The following BIRC6 variants were observed in gnomAD, a reference collection of about 807,000 sequenced individuals.
BIRC6 encodes the protein dual E2 ubiquitin-conjugating enzyme/E3 ubiquitin-protein ligase BIRC6.
Under a neutral mutation model 503.3 loss-of-function variants are expected in BIRC6, and 98 were observed. The ratio of observed to expected loss-of-function variants is 0.19; its 90% confidence interval spans 0.17 to 0.23. The LOEUF (loss-of-function observed/expected upper bound fraction) is 0.23. Ranked by LOEUF, BIRC6 falls within the 10% of genes least tolerant of loss-of-function variation. BIRC6 has a pLI of 1.00. For missense variants in BIRC6, 5,360 were observed against 5,806.0 expected (o/e 0.92, Z 2.50); for synonymous variants, 2,240 against 2,078.7 (o/e 1.08, Z -2.11).
At chr2:32,372,193 A>G (rs1055966560) in intron 1 of BIRC6, among the ~76,000 whole-genome samples, 4 of 152,166 alleles carry the variant, frequency 2.6e-5, no homozygotes, top group African/African-American at 9.7e-5. Context: ...TACTTGTCAT[A>G]CAGGTACACA....
chr2:32,455,487 G>C (rs2047160691), intron 23 of BIRC6, among the ~76,000 whole-genome samples: 1 of 152,008 alleles, frequency 6.6e-6, no homozygotes, highest in Non-Finnish European at 1.5e-5. Flanking sequence ...GCTGGGTGTG[G>C]TGGCAGGCAC....
intron 55 of BIRC6, among the ~76,000 whole-genome samples, chr2:32,516,426 G>C (rs912525071): frequency 6.6e-6 from 1 of 151,390 alleles, no homozygotes; most frequent in African/African-American, 2.4e-5. Context: ...TGAGGCAGGG[G>C]AATTGCTTGA....
Position 32,388,836 on chromosome 2 carries a change from A to C in BIRC6, c.732A>C (p.Gln244His). The change falls in exon 4 of 74, where the codon CAA (glutamine) becomes CAC (histidine). Residue 244 changes from glutamine to histidine, a missense_variant. Gln to His is a conservative substitution (Grantham distance 24, BLOSUM62 0). Around this residue, in one of 16 missense-constraint regions of BIRC6, gnomAD observed 134 missense variants for 150.9 expected, o/e 0.89. Coordinates refer to ENST00000421745, the MANE Select transcript of BIRC6 (RefSeq NM_016252.4). Reference sequence around the variant, plus strand: ...TAAATGAACTCAAGAAAATAAATCAAAATGTTGCTGCCTTACCTGTGGCGT... The same window carrying C: ...TAAATGAACTCAAGAAAATAAATCACAATGTTGCTGCCTTACCTGTGGCGT... ...AIVNELKKIN[Q>H]NVAALPVASS... 2 of 1,613,494 alleles carry C rather than the reference A, an allele frequency of 1.2e-6. No homozygotes were observed. Among genetic ancestry groups the C allele is most frequent in the Non-Finnish European group, 1.7e-6 (2 of 1,179,630 alleles).
intron 65 of BIRC6, among the ~76,000 whole-genome samples, chr2:32,571,000 G>T (rs1250269334): frequency 6.6e-6 from 1 of 151,670 alleles, no homozygotes; most frequent in Non-Finnish European, 1.5e-5. Context: ...GTGGAGACAG[G>T]TTTTCTTGCT....
chr2:32,384,916 CTG>C (rs2038223705), intron 3 of BIRC6, among the ~76,000 whole-genome samples: 1 of 152,200 alleles, frequency 6.6e-6, no homozygotes, highest in South Asian at 2.1e-4. Context: ...TTTTTACCCT[CTG>C]AGAGTTCTAT....
At chr2:32,567,918 A>G (rs2059639736) in intron 65 of BIRC6, among the ~76,000 whole-genome samples, 1 of 152,156 alleles carries the variant, frequency 6.6e-6, no homozygotes, top group African/African-American at 2.4e-5. Context: ...TGGCTAACAC[A>G]GTGAAAACCC....
intron 61 of BIRC6, among the ~76,000 whole-genome samples, chr2:32,532,567 G>A (rs543127936): frequency 6.6e-6 from 1 of 152,230 alleles, no homozygotes; most frequent in South Asian, 2.1e-4. Flanking sequence ...CATCTGCAAA[G>A]GCCCCATTTC....
chr2:32,404,243 A>T (rs147845135), intron 8 of BIRC6, among the ~76,000 whole-genome samples: 1 of 151,602 alleles, frequency 6.6e-6, no homozygotes, highest in African/African-American at 2.4e-5. Context: ...GTGATTTTTT[A>T]AAAAGTTTTA....
At position 32,468,680 on chromosome 2, in the gene BIRC6, A is replaced by T. The variant is rs772416189; in HGVS notation, c.6024A>T (p.Thr2008=). 1.2e-6 allele frequency: 2 copies of T among 1,614,024 alleles called. No homozygotes were observed. The highest frequency in any genetic ancestry group is 1.1e-5 in the South Asian group (1 of 91,084). Residue 2008 remains threonine, a synonymous_variant, in exon 29 of 74, where the codon ACA becomes ACT. Coordinates refer to ENST00000421745, the MANE Select transcript of BIRC6 (RefSeq NM_016252.4). ...LGASRKMLSE[T]SNPEDLIQTS... ...CAAGCCGGAAGATGTTGAGTGAAACATCAAATCCAGAAGATTTAATTCAGA... is the reference window on the plus strand; with the variant it reads ...CAAGCCGGAAGATGTTGAGTGAAACTTCAAATCCAGAAGATTTAATTCAGA...
intron 33 of BIRC6, among the ~76,000 whole-genome samples, chr2:32,475,775 C>G (rs1051213756): frequency 6.6e-6 from 1 of 152,084 alleles, no homozygotes; most frequent in Admixed American, 6.5e-5. Flanking sequence ...TAGCAAAAAA[C>G]TACAATGATC....
chr2:32,463,408 A>C (rs752635995), intron 24 of BIRC6, 27 bp downstream of exon 24: 1 of 1,560,144 alleles, frequency 6.4e-7, no homozygotes, highest in Non-Finnish European at 8.7e-7. Context: ...CTCTTTGTTC[A>C]TGCTGTCTCT....
Position 32,518,239 on chromosome 2 carries a change from A to ATT in BIRC6, c.11350-12_11350-11dup. ...AAATCTTGCATTTAACTTTTTAAAT[A>ATT]TTTTGTCTTGCCAGGTTCTTTGTGA... On this transcript the variant is annotated splice_polypyrimidine_tract_variant and intron_variant, in intron 55 of 73. Transcript: ENST00000421745. 6.2e-7 allele frequency: 1 copy of ATT among 1,605,816 alleles called. No individual in the cohort carries two copies. The highest frequency in any genetic ancestry group is 8.5e-7 in the Non-Finnish European group (1 of 1,177,084).
At chr2:32,471,160 A>C in intron 32 of BIRC6, 36 bp downstream of exon 32, 2 of 1,547,516 alleles carry the variant, frequency 1.3e-6, no homozygotes, top group Non-Finnish European at 1.7e-6. Flanking sequence ...AGGTATCAGA[A>C]GTTTATAATA....
chr2:32,446,900 C>CAGAGGA (rs1398905425), intron 21 of BIRC6, among the ~76,000 whole-genome samples: 1 of 124,628 alleles, frequency 8.0e-6, no homozygotes, highest in African/African-American at 3.1e-5. Context: ...GACCCTGCGG[C>CAGAGGA]CTTCCGCAGT....
chr2:32,369,946 ATATATATATATATATATATATATAT>A (rs1442429143), intron 1 of BIRC6, among the ~76,000 whole-genome samples: 8 of 28,420 alleles, frequency 2.8e-4, no homozygotes, highest in Admixed American at 5.1e-4. Context: ...AAAAAAAAAA[ATATATATATATATATATATATATAT>A]ATATATATAT....
At chr2:32,393,686 ATTCTG>A (rs1255670638) in intron 5 of BIRC6, among the ~76,000 whole-genome samples, 1 of 152,072 alleles carries the variant, frequency 6.6e-6, no homozygotes, top group African/African-American at 2.4e-5. Context: ...TTCCCAGCTA[ATTCTG>A]TTTATTTTTT....
intron 1 of BIRC6, among the ~76,000 whole-genome samples, chr2:32,366,571 A>G (rs192365504): frequency 2.0e-5 from 3 of 152,292 alleles, no homozygotes; most frequent in African/African-American, 4.8e-5. Context: ...TAAAAAAATA[A>G]TAGATTTCTG....
chr2:32,593,938 C>T lies in BIRC6; in HGVS notation c.13379C>T (p.Thr4460Ile). The change falls in exon 67 of 74, where the codon ACA becomes ATA. Residue 4460 changes from threonine (T) to isoleucine (I), a missense_variant. Around this residue, in one of 16 missense-constraint regions of BIRC6, gnomAD observed 477 missense variants for 574.4 expected, o/e 0.83. Coordinates refer to ENST00000421745, the MANE Select transcript of BIRC6 (RefSeq NM_016252.4). ...AGATCTAAAAGGGAAAATGTTAAAA[C>T]AGGAGTAAAACCAGATGCGTCTGAT... ...RLRSKRENVK[T>I]GVKPDASDQE... is the part of the protein sequence containing the mutation. 2 of 1,611,114 alleles carry T rather than the reference C, an allele frequency of 1.2e-6. No individual in the cohort carries two copies. The highest frequency in any genetic ancestry group is 2.2e-5 in the East Asian group (1 of 44,788).
chr2:32,436,480 T>C (rs2044715380), intron 15 of BIRC6, among the ~76,000 whole-genome samples: 1 of 152,190 alleles, frequency 6.6e-6, no homozygotes, highest in African/African-American at 2.4e-5. Context: ...GCAGACATAA[T>C]GTTCTGCCAT....
Sources: allele counts gnomAD v4.1 joint callset (sites outside exome capture counted in the v4.1 genomes callset), GRCh38; gene constraint gnomAD v4.1.1; regional missense constraint gnomAD v4.1.1; transcripts MANE v1.5; gene names NCBI Gene and HGNC (gene_info 2026-07-23, HGNC 2026-07-21).